Variants in STPG2 observed in about 807,000 individuals in gnomAD.
STPG2 encodes the protein sperm tail PG-rich repeat containing 2, also known as sperm-tail PG-rich repeat-containing protein 2.
In STPG2, 56 loss-of-function variants were observed where a neutral mutation model predicts 54.2. That is an observed-to-expected ratio of 1.03 (90% CI 0.83 to 1.29). The LOEUF (loss-of-function observed/expected upper bound fraction) is 1.29, where lower values mean the gene tolerates loss of function less well. Among genes scored for constraint, STPG2 ranks in the 50% most tolerant of loss-of-function variants. The pLI is 0.00. For synonymous variants in STPG2, 200 were observed against 181.8 expected, an observed-to-expected ratio of 1.10 and a Z score of -0.81; for missense variants, 596 against 544.9, an observed-to-expected ratio of 1.09 and a Z score of -0.93.
At chr4:97,964,970 T>C (rs1456959009) in intron 7 of STPG2, among the ~76,000 whole-genome samples, 1 of 152,122 alleles carries the variant, frequency 6.6e-6, no homozygotes, top group African/African-American at 2.4e-5. Context: ...GGCACCTGGT[T>C]CATCTCACTG....
chr4:97,796,914 C>A (rs1271935559), intron 9 of STPG2, among the ~76,000 whole-genome samples: 2 of 152,036 alleles, frequency 1.3e-5, no homozygotes, highest in Non-Finnish European at 2.9e-5. Flanking sequence ...CCTTCACATC[C>A]CTTGTAAGTT....
At chr4:97,573,040 G>T (rs1458016438) in intron 10 of STPG2, among the ~76,000 whole-genome samples, 13 of 152,002 alleles carry the variant, frequency 8.6e-5, no homozygotes, top group Admixed American at 7.2e-4. Context: ...AGCCTAGTTT[G>T]TTATCGTCCC....
chr4:98,078,045 AAT>A (rs1348314611), intron 5 of STPG2, among the ~76,000 whole-genome samples: 2 of 152,204 alleles, frequency 1.3e-5, no homozygotes, highest in Non-Finnish European at 1.5e-5. Flanking sequence ...TCCTTAAAAA[AAT>A]GTTTGTTTCT....
chr4:97,788,828 A>G, intron 9 of STPG2, among the ~76,000 whole-genome samples: 1 of 151,964 alleles, frequency 6.6e-6, no homozygotes, highest in Non-Finnish European at 1.5e-5. Flanking sequence ...TAAAATATTT[A>G]TTGTTATACA....
chr4:97,903,159 T>C (rs1426202034), intron 8 of STPG2, among the ~76,000 whole-genome samples: 1 of 152,106 alleles, frequency 6.6e-6, no homozygotes, highest in African/African-American at 2.4e-5. Flanking sequence ...GTGACTGTAA[T>C]AATAACAGTG....
At chr4:97,664,795 C>T (rs1722472166) in intron 10 of STPG2, among the ~76,000 whole-genome samples, 1 of 151,988 alleles carries the variant, frequency 6.6e-6, no homozygotes, top group African/African-American at 2.4e-5. Context: ...GCACCTTTGC[C>T]CAAGTTTTGC....
intron 8 of STPG2, among the ~76,000 whole-genome samples, chr4:97,854,695 A>T (rs1729276045): frequency 6.6e-6 from 1 of 152,116 alleles, no homozygotes. Context: ...ATGTATGTCC[A>T]TTCAATCCAA....
At chr4:97,713,857 A>G (rs528865682) in intron 9 of STPG2, among the ~76,000 whole-genome samples, 54 of 152,322 alleles carry the variant, frequency 3.5e-4, no homozygotes, top group South Asian at 2.9e-3. Context: ...TTCTTCATTC[A>G]TATTTTAAAC....
Position 98,143,292 on chromosome 4 carries a change from G to C in STPG2, c.-142C>G. ...AACTTCCGTAAACAGGGAAATTAGG[G>C]GTGGGGTTGTCTCCCCGCCCGCTCA... On this transcript the variant is annotated 5_prime_UTR_variant, in exon 1 of 11. Coordinates refer to ENST00000295268, the MANE Select transcript of STPG2 (RefSeq NM_174952.3). 1.6e-6 allele frequency: 1 copy of C among 620,174 alleles called. No individual in the cohort carries two copies. Among genetic ancestry groups the C allele is most frequent in the Non-Finnish European group, 2.8e-6 (1 of 353,782 alleles). 38.4% of individuals were successfully genotyped at this position (620,174 alleles called of 1,614,324 possible).
At chr4:98,014,971 T>A (rs1315820501) in intron 5 of STPG2, among the ~76,000 whole-genome samples, 1 of 152,224 alleles carries the variant, frequency 6.6e-6, no homozygotes, top group Non-Finnish European at 1.5e-5. Flanking sequence ...AAAAATCCAC[T>A]GACCATGTTA....
chr4:97,986,483 T>A (rs909168407), intron 5 of STPG2, among the ~76,000 whole-genome samples: 7 of 152,208 alleles, frequency 4.6e-5, no homozygotes, highest in African/African-American at 1.7e-4. Context: ...AAATGACCTA[T>A]GGCCAGGCTC....
chr4:97,918,510 T>A (rs1037628662), intron 8 of STPG2, among the ~76,000 whole-genome samples: 1 of 151,998 alleles, frequency 6.6e-6, no homozygotes, highest in Non-Finnish European at 1.5e-5. Flanking sequence ...CCATGCTGTG[T>A]ATGTGTAATA....
At chr4:97,712,958 C>T (rs2149008275) in intron 9 of STPG2, 144 bp from the exon 10 acceptor site, 2 of 489,700 alleles carry the variant, frequency 4.1e-6, no homozygotes, top group Non-Finnish European at 7.2e-6. Context: ...TGCTTAAAAT[C>T]ATTTGGTTTA....
At chr4:98,113,607 T>C (rs1739422565) in intron 3 of STPG2, among the ~76,000 whole-genome samples, 1 of 152,000 alleles carries the variant, frequency 6.6e-6, no homozygotes, top group Non-Finnish European at 1.5e-5. Context: ...ACTATGGACA[T>C]TCAGCTTTAA....
intron 10 of STPG2, among the ~76,000 whole-genome samples, chr4:97,600,539 A>G (rs1733431014): frequency 6.6e-6 from 1 of 152,156 alleles, no homozygotes; most frequent in South Asian, 2.1e-4. Flanking sequence ...TGGATTTCAT[A>G]AAAGAAACAG....
intron 5 of STPG2, among the ~76,000 whole-genome samples, chr4:98,078,581 A>G (rs1205120436): frequency 6.6e-6 from 1 of 151,916 alleles, no homozygotes; most frequent in African/African-American, 2.4e-5. Flanking sequence ...TAAAAAAAAA[A>G]AAGAAAAGAA....
intron 10 of STPG2, among the ~76,000 whole-genome samples, chr4:97,566,083 C>T (rs1467002253): frequency 1.3e-5 from 2 of 152,320 alleles, no homozygotes; most frequent in East Asian, 1.9e-4. Context: ...CTGTGGTGGG[C>T]TCCACCCAGT....
chr4:97,949,803 T>G (rs1733396698), intron 7 of STPG2, among the ~76,000 whole-genome samples: 1 of 152,200 alleles, frequency 6.6e-6, no homozygotes, highest in Non-Finnish European at 1.5e-5. Context: ...TTTTGCCTCA[T>G]GGCTCTTAGA....
chr4:97,874,781 G>A (rs1230842886), intron 8 of STPG2, among the ~76,000 whole-genome samples: 1 of 151,616 alleles, frequency 6.6e-6, no homozygotes, highest in Non-Finnish European at 1.5e-5. Flanking sequence ...TCGAAATGGG[G>A]CCTTTAAAAG....
Sources: gnomAD v4.1 joint callset for allele counts (sites outside exome capture counted in the v4.1 genomes callset) on GRCh38, gnomAD v4.1.1 for gene constraint, MANE v1.5 for transcripts, NCBI Gene and HGNC (gene_info 2026-07-23, HGNC 2026-07-21) for gene names.